Variants in LIPT1 observed in about 807,000 individuals in gnomAD.
The protein encoded by LIPT1 is lipoyl amidotransferase LIPT1, mitochondrial.
A neutral mutation model predicts 25.1 loss-of-function variants in LIPT1; 22 were observed. The observed-to-expected ratio is 0.88, with a 90% CI of 0.63 to 1.25. The LOEUF is 1.25. Among genes scored for constraint, LIPT1 ranks in the 50% most tolerant of loss-of-function variants. The pLI is 0.00. For synonymous variants in LIPT1, 131 were observed against 150.8 expected, an observed-to-expected ratio of 0.87 and a Z score of 0.96; for missense variants, 399 against 432.8, an observed-to-expected ratio of 0.92 and a Z score of 0.69.
In LIPT1 at chr2:99,162,610, A is replaced by G. The variant is rs1377054105; in HGVS notation, c.653A>G (p.Lys218Arg). Reference sequence around the variant, plus strand: ...TCCTTAGTGAAAAATCTTTTGGAAAAGGATCCCACTCTGACCTGTGAAGTA... The same window carrying G: ...TCCTTAGTGAAAAATCTTTTGGAAAGGGATCCCACTCTGACCTGTGAAGTA... ...IPSLVKNLLE[K>R]DPTLTCEVLM... is the part of the protein sequence containing the mutation. The change falls in exon 2 of 2, where the codon AAG (lysine) becomes AGG (arginine). Residue 218 changes from lysine (K) to arginine (R), a missense_variant. Coordinates refer to ENST00000651691, the MANE Select transcript of LIPT1 (RefSeq NM_145199.3). 1 of 1,614,136 alleles carries G rather than the reference A, an allele frequency of 6.2e-7. No individual in the cohort carries two copies. Among genetic ancestry groups the G allele is most frequent in the Non-Finnish European group, 8.5e-7 (1 of 1,180,026 alleles).
At chr2:99,161,315 TATATATATATATATATATATATAG>T (rs2105196375) in intron 1 of LIPT1, 1 of 90,168 alleles carries the variant, frequency 1.1e-5, no homozygotes, top group Non-Finnish European at 2.2e-5. Context: ...TATATATATA[TATATATATATATATATATATATAG>T]ATTGAATGTC....
In LIPT1 at chr2:99,162,675, C is replaced by G. The variant is rs1288756220; in HGVS notation, c.718C>G (p.Gln240Glu). 1 of 1,613,982 alleles carries G rather than the reference C, an allele frequency of 6.2e-7. No homozygotes were observed. The highest frequency in any genetic ancestry group is 1.3e-5 in the African/African-American group (1 of 74,926). Residue 240 changes from glutamine (Q) to glutamate (E), a missense_variant, in exon 2 of 2, where the codon CAA becomes GAA. Gln to Glu is a conservative substitution (Grantham distance 29). Transcript: ENST00000651691. Reference sequence around the variant, plus strand: ...TGCTACAGAGTATGCTGCTTATCATCAAATTGATAATCACATTCACCTAAT... The same window carrying G: ...TGCTACAGAGTATGCTGCTTATCATGAAATTGATAATCACATTCACCTAAT... The part of the protein sequence containing the change: ...AVATEYAAYH[Q>E]IDNHIHLINP...
chr2:99,162,740 C>A lies in LIPT1; in HGVS notation c.783C>A (p.Ser261Arg), dbSNP rs764480638. ...TDETLFPGINSKAKELQTWEW... is the reference protein window; with the variant it reads ...TDETLFPGINRKAKELQTWEW... ...AGACACTGTTTCCTGGAATAAATAG[C>A]AAAGCCAAAGAACTGCAAACTTGGG... The change falls in exon 2 of 2, where the codon AGC (serine) becomes AGA (arginine). Residue 261 changes from serine (S) to arginine (R), a missense_variant. Physicochemically the swap from Ser to Arg is moderately radical, Grantham distance 110 (BLOSUM62 -1). Coordinates refer to ENST00000651691, the MANE Select transcript of LIPT1 (RefSeq NM_145199.3). The A allele has an allele frequency of 1.2e-6, 2 of 1,614,104 alleles. No homozygotes were observed. The highest frequency in any genetic ancestry group is 1.7e-6 in the Non-Finnish European group (2 of 1,179,990).
At chr2:99,157,519 A>G (rs572439734) in intron 1 of LIPT1, among the ~76,000 whole-genome samples, 10 of 152,250 alleles carry the variant, frequency 6.6e-5, no homozygotes, top group South Asian at 2.1e-4. Context: ...TGGGCCTCCT[A>G]TTTACTCAGT....
Position 99,162,158 on chromosome 2 carries a change from G to A in LIPT1, c.201G>A (p.Gln67=), listed in dbSNP as rs1559170772. ...GCAAACCAATTCTATTCTTTTGGCAGAATTCTCCCTCTGTTGTAATTGGTA... is the reference window on the plus strand; with the variant it reads ...GCAAACCAATTCTATTCTTTTGGCAAAATTCTCCCTCTGTTGTAATTGGTA... ...LEGKPILFFW[Q]NSPSVVIGRH... The change falls in exon 2 of 2, where the codon CAG becomes CAA. Residue 67 remains glutamine, a synonymous_variant. Transcript: ENST00000651691. The A allele has an allele frequency of 1.2e-6, 2 of 1,613,890 alleles. No homozygotes were observed. Among genetic ancestry groups the A allele is most frequent in the South Asian group, 2.2e-5 (2 of 91,074 alleles).
chr2:99,157,222 C>A (rs1362155566), intron 1 of LIPT1, among the ~76,000 whole-genome samples: 1 of 152,210 alleles, frequency 6.6e-6, no homozygotes, highest in Non-Finnish European at 1.5e-5. Flanking sequence ...TTCACAAGAT[C>A]TTTGACAATT....
intron 1 of LIPT1, among the ~76,000 whole-genome samples, chr2:99,157,237 T>C (rs1310400289): frequency 6.6e-6 from 1 of 152,222 alleles, no homozygotes. Context: ...ACAATTTCCA[T>C]ATCCACAGAC....
intron 1 of LIPT1, among the ~76,000 whole-genome samples, chr2:99,160,240 T>G (rs1020902099): frequency 1.3e-5 from 2 of 152,104 alleles, no homozygotes; most frequent in African/African-American, 4.8e-5. Flanking sequence ...GACCCCCATC[T>G]CTACAAAAAA....
At chr2:99,160,767 C>T (rs1049329021) in intron 1 of LIPT1, among the ~76,000 whole-genome samples, 1 of 152,128 alleles carries the variant, frequency 6.6e-6, no homozygotes, top group Admixed American at 6.5e-5. Flanking sequence ...AAAAGTTATG[C>T]TGCCAGTAAA....
At position 99,162,607 on chromosome 2, in the gene LIPT1, A is replaced by T. The variant is rs2093804781; in HGVS notation, c.650A>T (p.Glu217Val). 6.2e-7 allele frequency: 1 copy of T among 1,613,954 alleles called. No individual in the cohort carries two copies. Among genetic ancestry groups the T allele is most frequent in the Admixed American group, 1.7e-5 (1 of 60,004 alleles). ...SIPSLVKNLL[E>V]KDPTLTCEVL... Reference sequence around the variant, plus strand: ...CCTTCCTTAGTGAAAAATCTTTTGGAAAAGGATCCCACTCTGACCTGTGAA... The same window carrying T: ...CCTTCCTTAGTGAAAAATCTTTTGGTAAAGGATCCCACTCTGACCTGTGAA... The change falls in exon 2 of 2, where the codon GAA (glutamate) becomes GTA (valine). Residue 217 changes from glutamate to valine, a missense_variant. Glu to Val is a moderately radical substitution (Grantham distance 121). Coordinates refer to ENST00000651691, the MANE Select transcript of LIPT1 (RefSeq NM_145199.3).
At position 99,162,095 on chromosome 2, in the gene LIPT1, T is replaced by C; in HGVS notation, c.138T>C (p.Ala46=). The change falls in exon 2 of 2, where the codon GCT becomes GCC. Residue 46 remains alanine, a synonymous_variant. Coordinates refer to ENST00000651691, the MANE Select transcript of LIPT1 (RefSeq NM_145199.3). ...SISNDVYQNL[A]VEDWIHDHMN... is the part of the protein sequence containing the mutation. ...CCAATGATGTCTATCAAAATCTGGC[T>C]GTGGAAGACTGGATCCATGACCATA... The C allele has an allele frequency of 6.2e-7, 1 of 1,614,192 alleles. No individual in the cohort carries two copies. The highest frequency in any genetic ancestry group is 8.5e-7 in the Non-Finnish European group (1 of 1,180,038).
At chr2:99,161,386 C>T (rs78219399) in intron 1 of LIPT1, 8,191 of 123,126 alleles carry the variant, frequency 0.067, 534 homozygotes, top group East Asian at 0.23. Flanking sequence ...AATGTGTGTG[C>T]GTATACATGC....
chr2:99,161,852 G>C, intron 1 of LIPT1, 105 bp from the exon 2 acceptor site: 2 of 1,020,700 alleles, frequency 2.0e-6, no homozygotes, highest in South Asian at 1.8e-5. Flanking sequence ...AACTGCACTG[G>C]ATACTTTAAG....
chr2:99,158,692 T>C (rs1446136636), intron 1 of LIPT1, among the ~76,000 whole-genome samples: 2 of 152,242 alleles, frequency 1.3e-5, no homozygotes, highest in Admixed American at 6.5e-5. Flanking sequence ...GCATGGGTCC[T>C]ATCTCCTTTT....
At chr2:99,156,426 G>A (rs2093754693) in intron 1 of LIPT1, 1 of 152,236 alleles carries the variant, frequency 6.6e-6, no homozygotes, top group Admixed American at 6.5e-5. Context: ...ACCACGCCCA[G>A]GTAATTTTTG....
In LIPT1 at chr2:99,162,357, G is replaced by T. The variant is rs1174551672; in HGVS notation, c.400G>T (p.Val134Leu). 4 of 1,613,752 alleles carry T rather than the reference G, an allele frequency of 2.5e-6. No homozygotes were observed. The South Asian group carries it at 3.3e-5, about 13-fold the overall frequency. ...YDRMENLKLIVRALNAVQPQL... is the reference protein window; with the variant it reads ...YDRMENLKLILRALNAVQPQL... ...TAGAATGGAAAATCTGAAATTAATT[G>T]TGAGAGCTCTGAATGCTGTCCAACC... The change falls in exon 2 of 2, where the codon GTG (valine) becomes TTG (leucine). Residue 134 changes from valine (V) to leucine (L), a missense_variant. Physicochemically the swap from Val to Leu is conservative, Grantham distance 32. Transcript: ENST00000651691.
At chr2:99,161,313 TATATATATATATATATATATATATAG>T (rs2093790055) in intron 1 of LIPT1, 1 of 86,420 alleles carries the variant, frequency 1.2e-5, no homozygotes, top group Non-Finnish European at 2.2e-5. Context: ...TATATATATA[TATATATATATATATATATATATATAG>T]ATTGAATGTC....
chr2:99,158,198 CATT>C (rs1383916237), intron 1 of LIPT1, among the ~76,000 whole-genome samples: 1 of 152,140 alleles, frequency 6.6e-6, no homozygotes, highest in Non-Finnish European at 1.5e-5. Context: ...AGCTTGTAAT[CATT>C]ATATCATAAA....
At chr2:99,155,964 AG>A (rs2093748149) in intron 1 of LIPT1, among the ~76,000 whole-genome samples, 1 of 152,252 alleles carries the variant, frequency 6.6e-6, no homozygotes, top group Non-Finnish European at 1.5e-5. Flanking sequence ...ATAATTGCAC[AG>A]GCTCATCTGA....
Sources: gnomAD v4.1 joint callset for allele counts (sites outside exome capture counted in the v4.1 genomes callset) on GRCh38, gnomAD v4.1.1 for gene constraint, MANE v1.5 for transcripts, NCBI Gene and HGNC (gene_info 2026-07-23, HGNC 2026-07-21) for gene names.